The following KAZN variants were observed in gnomAD, a reference collection of about 807,000 sequenced individuals.
KAZN encodes kazrin.
In KAZN, 40 loss-of-function variants were observed where a neutral mutation model predicts 87.4. That is an observed-to-expected ratio of 0.46 (90% CI 0.36 to 0.60). The LOEUF (loss-of-function observed/expected upper bound fraction) is 0.60, where lower values mean the gene tolerates loss of function less well. KAZN is among the 20% of genes least tolerant of loss of function. The probability of loss-of-function intolerance (pLI) is 0.00; values close to 1 mark genes in which losing one functional copy is unlikely to be tolerated. For synonymous variants in KAZN, 466 were observed against 458.3 expected, an observed-to-expected ratio of 1.02 and a Z score of -0.22; for missense variants, 898 against 1,073.9, an observed-to-expected ratio of 0.84 and a Z score of 2.29.
At chr1:15,031,195 G>T (rs1671658680) in intron 2 of KAZN, among the ~76,000 whole-genome samples, 1 of 152,240 alleles carries the variant, frequency 6.6e-6, no homozygotes, top group African/African-American at 2.4e-5. Flanking sequence ...AGAACATAGG[G>T]TCGGGTGTCG....
intron 2 of KAZN, among the ~76,000 whole-genome samples, chr1:14,274,851 C>CT (rs987384031): frequency 9.5e-5 from 14 of 147,604 alleles, no homozygotes; most frequent in East Asian, 5.9e-4. Flanking sequence ...TTTTTTTTTT[C>CT]TTTTTTTTTG....
At chr1:14,313,575 C>T (rs1466526101) in intron 2 of KAZN, among the ~76,000 whole-genome samples, 2 of 152,034 alleles carry the variant, frequency 1.3e-5, no homozygotes, top group East Asian at 3.9e-4. Flanking sequence ...GCCCTAAATT[C>T]GATGGAATAT....
rs1042900957 is a variant in KAZN, at chr1:14,945,335, G to A, written c.227-15349G>A. ...AACTCAATTGGCTGGAAACCGGGGC[G>A]CCCTGGAGTGTGGGAAAACGTCCCA... is the stretch of plus-strand genomic sequence containing the variant. On this transcript the variant is annotated intron_variant, in intron 1 of 14. Coordinates refer to ENST00000376030, the MANE Select transcript of KAZN (RefSeq NM_201628.3). Among the ~76,000 whole-genome samples the A allele has an allele frequency of 1.8e-4, 28 of 152,326 alleles. No individual in the cohort carries two copies. The East Asian group carries it at 4.3e-3, about 23-fold the overall frequency.
At chr1:14,332,691 A>G (rs570133228) in intron 2 of KAZN, among the ~76,000 whole-genome samples, 89 of 152,280 alleles carry the variant, frequency 5.8e-4, no homozygotes, top group African/African-American at 2.0e-3. Flanking sequence ...TTGGACTCCA[A>G]CATCTGGGAT....
At chr1:14,930,856 G>C (rs1325530451) in intron 1 of KAZN, among the ~76,000 whole-genome samples, 1 of 152,198 alleles carries the variant, frequency 6.6e-6, no homozygotes, top group African/African-American at 2.4e-5. Context: ...TGGGAGGGGG[G>C]AACCCTGGGG....
At chr1:14,345,486 TATG>T (rs113030111) in intron 2 of KAZN, among the ~76,000 whole-genome samples, 51,819 of 151,998 alleles carry the variant, frequency 0.34, 9,517 homozygotes, top group African/African-American at 0.47. Context: ...TTTAGCACAG[TATG>T]ATAAAAATAT....
At chr1:14,541,983 C>G (rs1672841393) in intron 2 of KAZN, among the ~76,000 whole-genome samples, 1 of 152,178 alleles carries the variant, frequency 6.6e-6, no homozygotes, top group African/African-American at 2.4e-5. Context: ...TTGTCAGCCT[C>G]TCTGATACAG....
At chr1:14,313,717 C>A (rs942288882) in intron 2 of KAZN, among the ~76,000 whole-genome samples, 1 of 152,100 alleles carries the variant, frequency 6.6e-6, no homozygotes, top group Non-Finnish European at 1.5e-5. Context: ...ATCATCATCA[C>A]CCCATATTAT....
chr1:14,347,584 T>C (rs1380033510), intron 2 of KAZN, among the ~76,000 whole-genome samples: 1 of 152,230 alleles, frequency 6.6e-6, no homozygotes, highest in East Asian at 1.9e-4. Flanking sequence ...TTTCTGTTAC[T>C]TACAACCACA....
At position 14,256,581 on chromosome 1, in the gene KAZN, G is replaced by GA. The variant is rs973210118; in HGVS notation, c.249+75996dup. On this transcript the variant is annotated intron_variant, in intron 2 of 16. Transcript: ENST00000636203. The stretch of plus-strand genomic sequence containing the variant: ...TGAGGTCTTTATTTAGAACATTCTA[G>GA]AAAAAAATGGCAGAGGAAATTGCAT... Among the ~76,000 whole-genome samples the GA allele has an allele frequency of 1.1e-4, 17 of 152,088 alleles. No individual in the cohort carries two copies. The East Asian group carries it at 3.3e-3, about 30-fold the overall frequency.
chr1:14,672,236 C>G (rs2148739132), intron 1 of KAZN, among the ~76,000 whole-genome samples: 1 of 152,322 alleles, frequency 6.6e-6, no homozygotes, highest in Non-Finnish European at 1.5e-5. Flanking sequence ...CAAAAGCCCA[C>G]TCCGTGCTAC....
intron 1 of KAZN, among the ~76,000 whole-genome samples, chr1:13,911,671 C>T (rs1639656657): frequency 6.6e-6 from 1 of 152,166 alleles, no homozygotes; most frequent in Admixed American, 6.6e-5. Context: ...ATTTTGAAAC[C>T]TGCCTCACAA....
chr1:15,110,234 T>A (rs1447102192), intron 13 of KAZN, among the ~76,000 whole-genome samples: 1 of 145,196 alleles, frequency 6.9e-6, no homozygotes, highest in Non-Finnish European at 1.5e-5. Flanking sequence ...TGTGTATGTG[T>A]ATATATGTAT....
chr1:14,928,017 C>A (rs577669513), intron 1 of KAZN, among the ~76,000 whole-genome samples: 3 of 152,286 alleles, frequency 2.0e-5, no homozygotes, highest in Admixed American at 6.5e-5. Flanking sequence ...TAATCCCATC[C>A]ACAGATGGGG....
chr1:14,623,740 A>G (rs368345061), intron 1 of KAZN, among the ~76,000 whole-genome samples: 1 of 152,048 alleles, frequency 6.6e-6, no homozygotes, highest in Non-Finnish European at 1.5e-5. Flanking sequence ...GATACCTTGT[A>G]TGTTCATTTT....
At chr1:14,263,534 C>A (rs1456215594) in intron 2 of KAZN, among the ~76,000 whole-genome samples, 2 of 152,110 alleles carry the variant, frequency 1.3e-5, no homozygotes, top group Admixed American at 1.3e-4. Flanking sequence ...CTTGTCATCA[C>A]GTCAGCCAGG....
intron 2 of KAZN, among the ~76,000 whole-genome samples, chr1:14,352,004 A>G (rs889527650): frequency 6.6e-6 from 1 of 152,244 alleles, no homozygotes; most frequent in Non-Finnish European, 1.5e-5. Flanking sequence ...TGAATGCTAA[A>G]TTTAACAATT....
At chr1:14,332,911 T>G (rs572603542) in intron 2 of KAZN, among the ~76,000 whole-genome samples, 1 of 152,220 alleles carries the variant, frequency 6.6e-6, no homozygotes, top group Non-Finnish European at 1.5e-5. Context: ...GGGGTACATG[T>G]GCAGGATGTG....
intron 2 of KAZN, among the ~76,000 whole-genome samples, chr1:14,325,890 C>T (rs1435426203): frequency 6.6e-6 from 1 of 152,170 alleles, no homozygotes; most frequent in Non-Finnish European, 1.5e-5. Context: ...ACTTCTTCTC[C>T]ATATCCTTTG....
Sources: allele counts gnomAD v4.1 joint callset (sites outside exome capture counted in the v4.1 genomes callset), GRCh38; gene constraint gnomAD v4.1.1; transcripts MANE v1.5; gene names NCBI Gene and HGNC (gene_info 2026-07-23, HGNC 2026-07-21).